Variants in CTTNBP2 observed in about 807,000 individuals in gnomAD.
The protein encoded by CTTNBP2 is cortactin binding protein 2, also known as cortactin-binding protein 2.
A neutral mutation model predicts 156.9 loss-of-function variants in CTTNBP2; 108 were observed. The ratio of observed to expected loss-of-function variants is 0.69; its 90% confidence interval spans 0.59 to 0.81. The LOEUF is 0.81. Ranked by LOEUF, CTTNBP2 falls within the 30% of genes least tolerant of loss-of-function variation. The pLI is 0.00. For synonymous variants in CTTNBP2, 767 were observed against 751.8 expected (o/e 1.02, Z -0.33); for missense variants, 1,924 against 2,035.4 (o/e 0.95, Z 1.05).
At chr7:117,771,925 T>C (rs961663053) in intron 8 of CTTNBP2, among the ~76,000 whole-genome samples, 2 of 151,716 alleles carry the variant, frequency 1.3e-5, no homozygotes, top group African/African-American at 4.8e-5. Context: ...AAGAGGCCAT[T>C]TGAGGTAATG....
intron 14 of CTTNBP2, among the ~76,000 whole-genome samples, chr7:117,741,097 G>GC (rs1254740308): frequency 6.6e-6 from 1 of 152,184 alleles, no homozygotes; most frequent in Non-Finnish European, 1.5e-5. Flanking sequence ...CCTCCAGTGA[G>GC]CCCCCAGATG....
chr7:117,787,299 G>A (rs549658236), intron 4 of CTTNBP2, among the ~76,000 whole-genome samples: 1 of 152,320 alleles, frequency 6.6e-6, no homozygotes, highest in South Asian at 2.1e-4. Context: ...GCAAACATTA[G>A]TAAGGTGAGC....
Position 117,791,951 on chromosome 7 carries a change from T to G in CTTNBP2, c.1245A>C (p.Ile415=). The G allele has an allele frequency of 2.5e-6, 4 of 1,614,090 alleles. No homozygotes were observed. Among genetic ancestry groups the G allele is most frequent in the Non-Finnish European group, 3.4e-6 (4 of 1,180,002 alleles). The change falls in exon 4 of 23, where the codon ATA becomes ATC. Residue 415 remains isoleucine, a synonymous_variant. Coordinates refer to ENST00000160373, the MANE Select transcript of CTTNBP2 (RefSeq NM_033427.3). ...GTGGAGCTTGCGAGTTCTGAGGAGC[T>G]ATGCCTGGTGTTTGAGCGGTGGGAG... is the stretch of plus-strand genomic sequence containing the variant. ...AAPPTAQTPG[I]APQNSQAPPM...
chr7:117,771,422 G>A (rs947439660), intron 8 of CTTNBP2, among the ~76,000 whole-genome samples: 7 of 152,220 alleles, frequency 4.6e-5, no homozygotes, highest in African/African-American at 1.2e-4. Context: ...AGCTGTTAAC[G>A]TGGGAAATAA....
chr7:117,766,628 G>C (rs1274884224), intron 9 of CTTNBP2, among the ~76,000 whole-genome samples: 2 of 152,050 alleles, frequency 1.3e-5, no homozygotes, highest in Non-Finnish European at 2.9e-5. Flanking sequence ...GAGCTGGAAG[G>C]GACCCAAAAG....
intron 2 of CTTNBP2, among the ~76,000 whole-genome samples, chr7:117,814,364 C>T (rs924564794): frequency 7.9e-5 from 12 of 151,492 alleles, no homozygotes; most frequent in African/African-American, 2.7e-4. Flanking sequence ...TAAATGCAGA[C>T]GAATTTTTTT....
chr7:117,836,553 A>G (rs1286002704), intron 2 of CTTNBP2, among the ~76,000 whole-genome samples: 2 of 152,142 alleles, frequency 1.3e-5, no homozygotes, highest in Non-Finnish European at 2.9e-5. Flanking sequence ...ACAGAGCGAG[A>G]CTCTGTCTCA....
chr7:117,859,053 C>T (rs1006931492), intron 2 of CTTNBP2, among the ~76,000 whole-genome samples: 3 of 152,088 alleles, frequency 2.0e-5, no homozygotes, highest in Non-Finnish European at 2.9e-5. Flanking sequence ...ATATTGAGTA[C>T]ATCATATTTT....
chr7:117,833,895 A>G (rs1403605513), intron 2 of CTTNBP2, among the ~76,000 whole-genome samples: 2 of 152,236 alleles, frequency 1.3e-5, no homozygotes, highest in African/African-American at 4.8e-5. Context: ...TTCTCAATTA[A>G]GAATTTCTCA....
In CTTNBP2 at chr7:117,791,166, C is replaced by G. The variant is rs1255017790; in HGVS notation, c.2030G>C (p.Arg677Thr). 1 of 1,614,126 alleles carries G rather than the reference C, an allele frequency of 6.2e-7. No homozygotes were observed. Among genetic ancestry groups the G allele is most frequent in the Non-Finnish European group, 8.5e-7 (1 of 1,180,010 alleles). ...SINPVSASSCRPGASDSLLVT... is the reference protein window; with the variant it reads ...SINPVSASSCTPGASDSLLVT... Reference sequence around the variant, plus strand: ...CAGGAGGCTGTCTGAGGCACCTGGTCTACAGGATGAGGCACTAACGGGGTT... The same window carrying G: ...CAGGAGGCTGTCTGAGGCACCTGGTGTACAGGATGAGGCACTAACGGGGTT... The change falls in exon 4 of 23, where the codon AGA becomes ACA. Residue 677 changes from arginine (R) to threonine (T), a missense_variant. Physicochemically the swap from Arg to Thr is moderately conservative, Grantham distance 71 (BLOSUM62 -1). Coordinates refer to ENST00000160373, the MANE Select transcript of CTTNBP2 (RefSeq NM_033427.3).
At position 117,784,368 on chromosome 7, in the gene CTTNBP2, C is replaced by T; in HGVS notation, c.2155G>A (p.Ala719Thr). ...GATAATAAAGTGACATTTCCCTGGG[C>T]AGCAGCTTGCTGAAGAAGGGTGGGC... ...GRPTLLQQAA[A>T]QGNVTLLSML... Residue 719 changes from alanine (A) to threonine (T), a missense_variant, in exon 5 of 23, where the codon GCC becomes ACC. Ala to Thr is a moderately conservative substitution (Grantham distance 58, BLOSUM62 0). Coordinates refer to ENST00000160373, the MANE Select transcript of CTTNBP2 (RefSeq NM_033427.3). The T allele has an allele frequency of 3.1e-6, 5 of 1,613,800 alleles. No individual in the cohort carries two copies. The highest frequency in any genetic ancestry group is 4.2e-6 in the Non-Finnish European group (5 of 1,179,928).
rs377060091 is a variant in CTTNBP2, at chr7:117,810,954, A to G, written c.225T>C (p.Tyr75=). 5.7e-5 allele frequency: 92 copies of G among 1,613,678 alleles called. No homozygotes were observed. Among genetic ancestry groups the G allele is most frequent in the Non-Finnish European group, 7.4e-5 (87 of 1,179,748 alleles). Residue 75 remains tyrosine, a synonymous_variant, in exon 3 of 23, where the codon TAT becomes TAC. Transcript: ENST00000160373. ...ACGGGTCATTTAGATTAAATCTCCC[A>G]TACCGTTCCTGGATAAATACCTCCT... ...RRKEVFIQER[Y]GRFNLNDPFL...
In CTTNBP2 at chr7:117,735,320, A is replaced by C. The variant is rs62617115; in HGVS notation, c.3637T>G (p.Leu1213Val). 53,295 of 1,613,906 alleles carry C rather than the reference A, an allele frequency of 0.033. 1,004 individuals carry two copies. The highest frequency in any genetic ancestry group is 0.038 in the Non-Finnish European group (45,126 of 1,179,804). The change falls in exon 15 of 23, where the codon TTG becomes GTG. Residue 1213 changes from leucine to valine, a missense_variant. Coordinates refer to ENST00000160373, the MANE Select transcript of CTTNBP2 (RefSeq NM_033427.3). ...GTGCTGCGATTTTCAAGAGGTGCCA[A>C]AAAGTCCCTCAATAACTCCGACAGT... ...SSLSELLRDF[L>V]APLENRSTES...
intron 4 of CTTNBP2, among the ~76,000 whole-genome samples, chr7:117,789,791 C>T (rs1437874471): frequency 2.6e-5 from 4 of 152,114 alleles, no homozygotes; most frequent in East Asian, 1.9e-4. Context: ...GCCACCCTCC[C>T]CCATATGAGT....
At chr7:117,788,639 T>C (rs769001231) in intron 4 of CTTNBP2, among the ~76,000 whole-genome samples, 1 of 152,172 alleles carries the variant, frequency 6.6e-6, no homozygotes, top group Non-Finnish European at 1.5e-5. Flanking sequence ...GCAATCTAAA[T>C]GCAAAACAGA....
At position 117,786,250 on chromosome 7, in the gene CTTNBP2, C is replaced by T. The variant is rs994932456; in HGVS notation, c.2069-1796G>A. On this transcript the variant is annotated intron_variant, in intron 4 of 22. Coordinates refer to ENST00000160373, the MANE Select transcript of CTTNBP2 (RefSeq NM_033427.3). ...CTATGAATAATTTATTGTTTTTAAC[C>T]CTATTAGGACTACATGTAGTGACAT... is the stretch of plus-strand genomic sequence containing the variant. 4 of 180,234 alleles carry T rather than the reference C, an allele frequency of 2.2e-5. No individual in the cohort carries two copies. In the South Asian group the frequency reaches 2.9e-4, roughly 13 times the overall value. 11.2% of individuals were successfully genotyped at this position (180,234 alleles called of 1,614,324 possible).
intron 2 of CTTNBP2, among the ~76,000 whole-genome samples, chr7:117,834,051 TTTC>T (rs1801780271): frequency 8.9e-6 from 1 of 112,160 alleles, no homozygotes; most frequent in South Asian, 2.8e-4. Context: ...TTCTTTTTTC[TTTC>T]TTCTTTTTTT....
chr7:117,848,278 A>G (rs1346911097), intron 2 of CTTNBP2, among the ~76,000 whole-genome samples: 1 of 152,174 alleles, frequency 6.6e-6, no homozygotes, highest in Non-Finnish European at 1.5e-5. Flanking sequence ...TTCAGTTCAC[A>G]GCAGACCACT....
intron 2 of CTTNBP2, among the ~76,000 whole-genome samples, chr7:117,823,741 C>A (rs1801113965): frequency 1.3e-5 from 2 of 152,270 alleles, no homozygotes; most frequent in African/African-American, 4.8e-5. Context: ...CTCTGTCACC[C>A]AGGCTGGAGT....
Sources: allele counts gnomAD v4.1 joint callset (sites outside exome capture counted in the v4.1 genomes callset), GRCh38; gene constraint gnomAD v4.1.1; transcripts MANE v1.5; gene names NCBI Gene and HGNC (gene_info 2026-07-23, HGNC 2026-07-21).